TULP4: variants seen among roughly 807,000 people sequenced by gnomAD.
TULP4 encodes tubby-related protein 4.
TULP4 carries 16 observed loss-of-function variants against 129.0 expected under a neutral mutation model. The observed-to-expected ratio is 0.12, with a 90% CI of 0.08 to 0.19. The LOEUF (loss-of-function observed/expected upper bound fraction) is 0.19. TULP4 is among the 10% of genes least tolerant of loss of function. TULP4 has a pLI of 1.00. For synonymous variants in TULP4, 998 were observed against 854.0 expected, an observed-to-expected ratio of 1.17 and a Z score of -2.94; for missense variants, 1,842 against 2,059.1, an observed-to-expected ratio of 0.89 and a Z score of 2.04.
chr6:158,243,488 A>C (rs1208793198), intron 1 of TULP4, among the ~76,000 whole-genome samples: 1 of 151,016 alleles, frequency 6.6e-6, no homozygotes, highest in Non-Finnish European at 1.5e-5. Flanking sequence ...TTAAGATGCA[A>C]ATAAGGTCCA....
chr6:158,376,724 A>G (rs1777200076), intron 1 of TULP4, among the ~76,000 whole-genome samples: 2 of 152,228 alleles, frequency 1.3e-5, no homozygotes, highest in African/African-American at 4.8e-5. Flanking sequence ...GTTGTGGGAT[A>G]TCAATGAGAC....
intron 3 of TULP4, among the ~76,000 whole-genome samples, chr6:158,446,279 T>G (rs1037617229): frequency 6.6e-6 from 1 of 152,200 alleles, no homozygotes; most frequent in African/African-American, 2.4e-5. Flanking sequence ...CATCATTGCT[T>G]GATAATTAAA....
intron 4 of TULP4, among the ~76,000 whole-genome samples, chr6:158,451,475 T>C (rs1779161052): frequency 1.3e-5 from 2 of 152,218 alleles, no homozygotes; most frequent in Admixed American, 1.3e-4. Context: ...GGGCTTACTT[T>C]TGCTTTTTCA....
intron 1 of TULP4, among the ~76,000 whole-genome samples, chr6:158,411,703 T>C (rs1247068927): frequency 1.3e-5 from 2 of 152,208 alleles, no homozygotes; most frequent in African/African-American, 4.8e-5. Flanking sequence ...AGGTGATTCC[T>C]GGGGGTTCCT....
At chr6:158,285,600 G>A (rs781702507) in intron 1 of TULP4, among the ~76,000 whole-genome samples, 5 of 152,158 alleles carry the variant, frequency 3.3e-5, no homozygotes, top group Non-Finnish European at 7.4e-5. Flanking sequence ...TCTGTATGTT[G>A]GAAATCATTG....
In TULP4 at chr6:158,503,597, G is replaced by A. The variant is rs1373260864; in HGVS notation, c.3934G>A (p.Ala1312Thr). ...GGGCACAGAGGTGATGGTAGAGACT[G>A]CAGACAACTTCCAGGAAGTCCTCTC... Reference protein sequence around the residue: ...HLGTEVMVETADNFQEVLSLT... With the variant: ...HLGTEVMVETTDNFQEVLSLT... Residue 1312 changes from alanine to threonine, a missense_variant, in exon 13 of 14, where the codon GCA becomes ACA. By Grantham distance (58) the Ala-to-Thr change is moderately conservative. Coordinates refer to ENST00000367097, the MANE Select transcript of TULP4 (RefSeq NM_020245.5). This position sits in a 1 kb window ranked among gnomAD's most constrained non-coding sequence, Gnocchi z 4.3. The A allele has an allele frequency of 5.6e-6, 9 of 1,614,082 alleles. No individual in the cohort carries two copies. The highest frequency in any genetic ancestry group is 8.5e-7 in the Non-Finnish European group (1 of 1,180,042).
At chr6:158,392,988 A>T (rs368078323) in intron 1 of TULP4, among the ~76,000 whole-genome samples, 66,422 of 109,396 alleles carry the variant, frequency 0.61, 15,997 homozygotes, top group South Asian at 0.66. Flanking sequence ...CTGTATTTAA[A>T]AAAAAAAAAA....
At chr6:158,330,572 A>G (rs1278295271) in intron 1 of TULP4, among the ~76,000 whole-genome samples, 1 of 152,184 alleles carries the variant, frequency 6.6e-6, no homozygotes, top group Admixed American at 6.5e-5. Flanking sequence ...TTTACTCTAA[A>G]ATACTTCAAT....
At chr6:158,241,874 T>G in intron 1 of TULP4, 2 of 698,464 alleles carry the variant, frequency 2.9e-6, no homozygotes, top group South Asian at 1.5e-5. Context: ...ATTACAGGCA[T>G]GAGCCACCGC....
chr6:158,505,333 A>AG (rs35703573), intron 13 of TULP4, among the ~76,000 whole-genome samples: 89,439 of 152,118 alleles, frequency 0.59, 26,866 homozygotes, highest in African/African-American at 0.7. Flanking sequence ...CTCTAAGCCC[A>AG]GGGTTGGCAT....
chr6:158,402,804 T>G (rs372564807), intron 1 of TULP4, among the ~76,000 whole-genome samples: 1 of 152,208 alleles, frequency 6.6e-6, no homozygotes, highest in Admixed American at 6.5e-5. Context: ...CAGGTTATTT[T>G]TGTAGCTATA....
intron 1 of TULP4, among the ~76,000 whole-genome samples, chr6:158,349,095 T>TCCTCACTTCCCAGAC (rs1780408687): frequency 3.6e-4 from 21 of 58,824 alleles, no homozygotes; most frequent in South Asian, 6.9e-4. Flanking sequence ...ACTTCCCAGA[T>TCCTCACTTCCCAGAC]GGGGCAGCCG....
chr6:158,377,941 C>T, intron 1 of TULP4, among the ~76,000 whole-genome samples: 1 of 152,164 alleles, frequency 6.6e-6, no homozygotes, highest in East Asian at 1.9e-4. Flanking sequence ...GCGGTTCTTA[C>T]ACTCTCAGCT....
intron 1 of TULP4, among the ~76,000 whole-genome samples, chr6:158,245,733 G>A (rs1422903776): frequency 1.3e-5 from 2 of 152,140 alleles, no homozygotes; most frequent in South Asian, 2.1e-4. Flanking sequence ...GTGATGACAT[G>A]CATTTATAGC....
intron 1 of TULP4, among the ~76,000 whole-genome samples, chr6:158,293,971 C>A (rs1778987127): frequency 6.6e-6 from 1 of 152,152 alleles, no homozygotes; most frequent in African/African-American, 2.4e-5. Context: ...AGCCTCGGGG[C>A]AGCCATTAAA....
chr6:158,339,642 AT>A (rs1780133962), intron 1 of TULP4, among the ~76,000 whole-genome samples: 1 of 152,136 alleles, frequency 6.6e-6, no homozygotes, highest in Non-Finnish European at 1.5e-5. Flanking sequence ...ATTCAGCAAT[AT>A]TTCTCTTACC....
At chr6:158,394,990 G>A (rs1189882504) in intron 1 of TULP4, among the ~76,000 whole-genome samples, 1 of 151,946 alleles carries the variant, frequency 6.6e-6, no homozygotes, top group African/African-American at 2.4e-5. Context: ...ACCCAAGCAG[G>A]AAGTGCCACA....
At chr6:158,501,343 T>C (rs2128262764) in intron 12 of TULP4, among the ~76,000 whole-genome samples, 2 of 152,302 alleles carry the variant, frequency 1.3e-5, no homozygotes, top group Admixed American at 1.3e-4. Context: ...AGGGTGGGTA[T>C]TTTATGAATA....
At chr6:158,268,036 T>C (rs201110270) in intron 1 of TULP4, among the ~76,000 whole-genome samples, 46 of 57,418 alleles carry the variant, frequency 8.0e-4, no homozygotes, top group Non-Finnish European at 1.6e-3. Flanking sequence ...TTCTTTTTTC[T>C]TTTTTTTTTT....
Sources: allele counts gnomAD v4.1 joint callset (sites outside exome capture counted in the v4.1 genomes callset), GRCh38; gene constraint gnomAD v4.1.1; non-coding constraint Gnocchi (gnomAD v3.1); transcripts MANE v1.5; gene names NCBI Gene and HGNC (gene_info 2026-07-23, HGNC 2026-07-21).